Variants in MAP2K4 observed in about 807,000 individuals in gnomAD.
MAP2K4 encodes dual specificity mitogen-activated protein kinase kinase 4.
A neutral mutation model predicts 48.5 loss-of-function variants in MAP2K4; 4 were observed. The observed-to-expected ratio is 0.08, with a 90% confidence interval of 0.04 to 0.19. The LOEUF (loss-of-function observed/expected upper bound fraction) is 0.19. MAP2K4 is among the 10% of genes least tolerant of loss of function. MAP2K4 has a pLI of 1.00. For missense variants in MAP2K4, 258 were observed against 493.3 expected (o/e 0.52, Z 4.52); for synonymous variants, 166 against 173.1 (o/e 0.96, Z 0.32).
Position 12,138,344 on chromosome 17 carries a change from C to T in MAP2K4, c.1041-1495C>T, listed in dbSNP as rs189012382. On this transcript the variant is annotated intron_variant, in intron 9 of 10. Transcript: ENST00000353533. ...TGTCAACCAGAAGCCTTACTGATAACATAGTTAACATATATTTTGTATATG... is the reference window on the plus strand; with the variant it reads ...TGTCAACCAGAAGCCTTACTGATAATATAGTTAACATATATTTTGTATATG... Among the ~76,000 whole-genome samples, 460 of 152,142 alleles carry T rather than the reference C, an allele frequency of 3.0e-3. 7 individuals carry two copies. Among genetic ancestry groups the T allele is most frequent in the African/African-American group, 0.011 (436 of 41,504 alleles).
intron 2 of MAP2K4, among the ~76,000 whole-genome samples, chr17:12,070,045 G>T (rs1001349189): frequency 5.4e-5 from 8 of 148,984 alleles, no homozygotes; most frequent in African/African-American, 2.0e-4. Flanking sequence ...AGGAAGAAAT[G>T]ATTTGGGAAA....
At chr17:12,100,635 C>T (rs1971908538) in intron 4 of MAP2K4, among the ~76,000 whole-genome samples, 1 of 152,124 alleles carries the variant, frequency 6.6e-6, no homozygotes, top group Admixed American at 6.5e-5. Flanking sequence ...AAAAAATGGA[C>T]AAACTTTTTT....
rs769700685 is a variant in MAP2K4 at position 12,139,874 on chromosome 17, A to C, written c.1076A>C (p.Lys359Thr). The C allele has an allele frequency of 2.5e-6, 4 of 1,606,526 alleles. No individual in the cohort carries two copies. The highest frequency in any genetic ancestry group is 3.4e-6 in the Non-Finnish European group (4 of 1,175,310). Residue 359 changes from lysine (K) to threonine (T), a missense_variant, in exon 10 of 11, where the codon AAA (lysine) becomes ACA (threonine). Physicochemically the swap from Lys to Thr is moderately conservative, Grantham distance 78. Around this residue, in one of 3 missense-constraint regions of MAP2K4, gnomAD observed 57 missense variants for 84.3 expected, o/e 0.68. Transcript: ENST00000353533. ...TKDESKRPKY[K>T]ELLKHPFILM... ...GATGAATCCAAAAGGCCAAAGTATA[A>C]AGAGCTTCTGGTGAGTGTGGGACTG... is the stretch of plus-strand genomic sequence containing the variant.
intron 6 of MAP2K4, among the ~76,000 whole-genome samples, chr17:12,112,213 C>T (rs1001586394): frequency 6.6e-5 from 10 of 152,114 alleles, no homozygotes; most frequent in African/African-American, 2.4e-4. Context: ...CCTGTAATCC[C>T]AGCACTTTGG....
rs1973176571 is a variant in MAP2K4, at chr17:12,135,511, GGCGTGA to G, written c.1041-4325_1041-4320del. ...CTTCCCGGAGTATTGGGATTACAGT[GGCGTGA>G]GCCACTGTACCTGGCCTGGATAAGC... On this transcript the variant is annotated intron_variant, in intron 9 of 10. Transcript: ENST00000353533. 1.3e-5 allele frequency among the ~76,000 whole-genome samples: 2 copies of G among 152,166 alleles called. 1 individual carries two copies. Among genetic ancestry groups the G allele is most frequent in the South Asian group, 4.1e-4 (2 of 4,832 alleles).
At chr17:12,069,722 A>G in intron 2 of MAP2K4, 1 of 1,065,140 alleles carries the variant, frequency 9.4e-7, no homozygotes, top group Non-Finnish European at 1.1e-6. Flanking sequence ...ATGGTAACTG[A>G]CAGACCGAGT....
rs908370145 is a variant in MAP2K4, at chr17:12,027,030, A to G, written c.115+6029A>G. 2.0e-5 allele frequency: 3 copies of G among 152,166 alleles called. 1 individual carries two copies. Among genetic ancestry groups the G allele is most frequent in the Non-Finnish European group, 2.9e-5 (2 of 68,040 alleles). The allele number at this position is 152,166 out of a possible 1,614,324, so 9.4% of individuals were successfully genotyped here. A position where few individuals can be genotyped will look rare whatever the true frequency, so the allele number is the denominator to read the frequency against. On this transcript the variant is annotated intron_variant, in intron 1 of 10. Coordinates refer to ENST00000353533, the MANE Select transcript of MAP2K4 (RefSeq NM_003010.4). The stretch of plus-strand genomic sequence containing the variant: ...AACTCATTTGTCATAAAATTTAACA[A>G]ATGTTGTCGTTCTGGCTAAATTTGT...
chr17:12,063,572 T>C (rs1443666880), intron 2 of MAP2K4, among the ~76,000 whole-genome samples: 1 of 152,210 alleles, frequency 6.6e-6, no homozygotes, highest in Non-Finnish European at 1.5e-5. Flanking sequence ...ATTTGTTATC[T>C]GGCATAGGCA....
At chr17:12,095,188 G>A (rs986148799) in intron 3 of MAP2K4, among the ~76,000 whole-genome samples, 2 of 152,126 alleles carry the variant, frequency 1.3e-5, no homozygotes, top group Non-Finnish European at 2.9e-5. Flanking sequence ...ATTTTGAAAC[G>A]GTGATTAAAA....
intron 1 of MAP2K4, among the ~76,000 whole-genome samples, chr17:12,030,429 T>C (rs541043901): frequency 2.6e-5 from 4 of 152,282 alleles, no homozygotes; most frequent in African/African-American, 9.6e-5. Context: ...AACAAGTCTA[T>C]ACTTATGCTT....
intron 1 of MAP2K4, among the ~76,000 whole-genome samples, chr17:12,026,238 C>T (rs1969246508): frequency 6.6e-6 from 1 of 152,144 alleles, no homozygotes; most frequent in Admixed American, 6.5e-5. Context: ...TATTAGTTAA[C>T]CCTGTATTTT....
chr17:12,133,143 G>A (rs1397828720), intron 9 of MAP2K4, among the ~76,000 whole-genome samples: 2 of 151,988 alleles, frequency 1.3e-5, no homozygotes, highest in South Asian at 2.1e-4. Flanking sequence ...GTGTAGTGGC[G>A]CGATCTCAGC....
intron 1 of MAP2K4, among the ~76,000 whole-genome samples, chr17:12,042,447 C>T (rs1257956756): frequency 6.6e-6 from 1 of 151,762 alleles, no homozygotes; most frequent in Non-Finnish European, 1.5e-5. Context: ...AAAAAATTAA[C>T]TGAACCTGGG....
intron 8 of MAP2K4, 80 bp downstream of exon 8, chr17:12,125,451 TC>T: frequency 9.0e-7 from 1 of 1,105,014 alleles, no homozygotes; most frequent in Non-Finnish European, 1.4e-6. Flanking sequence ...TAATCAGACT[TC>T]CCCGTTCGTT....
chr17:12,100,974 C>T (rs1971917496), intron 4 of MAP2K4, among the ~76,000 whole-genome samples: 1 of 151,914 alleles, frequency 6.6e-6, no homozygotes, highest in Non-Finnish European at 1.5e-5. Flanking sequence ...ATTATCAGAC[C>T]TATGATTTGC....
intron 4 of MAP2K4, among the ~76,000 whole-genome samples, chr17:12,105,280 TC>T (rs1972071297): frequency 6.6e-6 from 1 of 152,178 alleles, no homozygotes; most frequent in African/African-American, 2.4e-5. Flanking sequence ...TCATCTTGAA[TC>T]TTCACATTTG....
chr17:12,089,061 G>A (rs370391193), intron 3 of MAP2K4, among the ~76,000 whole-genome samples: 171 of 151,994 alleles, frequency 1.1e-3, no homozygotes, highest in African/African-American at 3.9e-3. Context: ...ACAGGCGCAC[G>A]CCACCACGCC....
intron 3 of MAP2K4, among the ~76,000 whole-genome samples, chr17:12,083,488 T>G (rs1971258105): frequency 6.6e-6 from 1 of 152,218 alleles, no homozygotes; most frequent in Non-Finnish European, 1.5e-5. Context: ...ACCCACCACA[T>G]GGTACTACCT....
intron 7 of MAP2K4, among the ~76,000 whole-genome samples, chr17:12,118,586 G>A (rs778627623): frequency 9.9e-5 from 15 of 152,166 alleles, no homozygotes; most frequent in Non-Finnish European, 1.8e-4. Flanking sequence ...TGCTGCAACC[G>A]AAATTCTCAT....
Sources: gnomAD v4.1 joint callset for allele counts (sites outside exome capture counted in the v4.1 genomes callset) on GRCh38, gnomAD v4.1.1 for gene constraint, gnomAD v4.1.1 regional missense constraint, MANE v1.5 for transcripts, NCBI Gene and HGNC (gene_info 2026-07-23, HGNC 2026-07-21) for gene names.